RAD50: variants seen among roughly 807,000 people sequenced by gnomAD.
RAD50 encodes DNA repair protein RAD50.
Under a neutral mutation model 168.8 loss-of-function variants are expected in RAD50, and 132 were observed. The ratio of observed to expected loss-of-function variants is 0.78; its 90% CI spans 0.68 to 0.90. RAD50 has a LOEUF of 0.90. Among genes scored for constraint, RAD50 ranks in the 40% least tolerant of loss-of-function variants. The probability of loss-of-function intolerance (pLI) is 0.00; values close to 1 mark genes in which losing one functional copy is unlikely to be tolerated. For synonymous variants in RAD50, 525 were observed against 497.4 expected (o/e 1.06, Z -0.74); for missense variants, 1,347 against 1,534.4 (o/e 0.88, Z 2.04).
At chr5:132,620,154 A>C (rs578256941) in intron 21 of RAD50, among the ~76,000 whole-genome samples, 5 of 151,852 alleles carry the variant, frequency 3.3e-5, no homozygotes, top group Non-Finnish European at 4.4e-5. Flanking sequence ...ATCCACCTGT[A>C]TTGGCCTCCC....
At chr5:132,628,772 G>A (rs899847894) in intron 21 of RAD50, among the ~76,000 whole-genome samples, 1 of 152,012 alleles carries the variant, frequency 6.6e-6, no homozygotes, top group Non-Finnish European at 1.5e-5. Flanking sequence ...GCCTGAACCC[G>A]GGAGGCGGAG....
intron 12 of RAD50, 135 bp downstream of exon 12, chr5:132,595,179 A>G (rs1208455564): frequency 9.6e-6 from 9 of 941,070 alleles, no homozygotes; most frequent in African/African-American, 6.6e-5. Context: ...TGGCTCTACA[A>G]CTTACTCACT....
intron 21 of RAD50, among the ~76,000 whole-genome samples, chr5:132,630,129 A>C (rs1412910210): frequency 1.4e-5 from 2 of 145,098 alleles, no homozygotes; most frequent in East Asian, 2.0e-4. Context: ...TGCCATCTCC[A>C]CCTCCCGGGT....
chr5:132,645,659 T>G lies in RAD50; in HGVS notation c.*3295T>G, dbSNP rs1348852391. ...AAGAGAAAGCAGCCAATGAAAAGTT[T>G]ACTATTAAGCCAGCTACGGTAAGTG... On this transcript the variant is annotated 3_prime_UTR_variant, in exon 25 of 25. Transcript: ENST00000378823. 6.6e-6 allele frequency: 1 copy of G among 152,218 alleles called. No individual in the cohort carries two copies. The highest frequency in any genetic ancestry group is 2.4e-5 in the African/African-American group (1 of 41,442). 9.4% of individuals were successfully genotyped at this position (152,218 alleles called of 1,614,324 possible). A position where few individuals can be genotyped will look rare whatever the true frequency, so the allele number is the denominator to read the frequency against.
intron 2 of RAD50, among the ~76,000 whole-genome samples, chr5:132,559,638 A>G (rs992740425): frequency 1.3e-5 from 2 of 152,178 alleles, no homozygotes; most frequent in Admixed American, 1.3e-4. Context: ...TTAAAAAACT[A>G]TCATCTGGGT....
intron 11 of RAD50, 144 bp from the exon 12 acceptor site, chr5:132,594,725 C>T (rs1218446360): frequency 2.6e-6 from 2 of 767,422 alleles, no homozygotes; most frequent in Non-Finnish European, 4.2e-6. Context: ...TGGACTAGTC[C>T]CTCAACTTCT....
chr5:132,572,703 A>C (rs1750328107), intron 2 of RAD50, among the ~76,000 whole-genome samples: 1 of 152,150 alleles, frequency 6.6e-6, no homozygotes. Flanking sequence ...TTTAAACTTT[A>C]TTTTGTAGAT....
chr5:132,612,403 G>A (rs1054697052), intron 19 of RAD50, among the ~76,000 whole-genome samples: 2 of 152,174 alleles, frequency 1.3e-5, no homozygotes, highest in African/African-American at 4.8e-5. Flanking sequence ...ATGATCAAAT[G>A]CTCTGGAATT....
intron 4 of RAD50, 101 bp downstream of exon 4, chr5:132,579,603 G>C: frequency 7.9e-7 from 1 of 1,266,894 alleles, no homozygotes. Flanking sequence ...AAAGCAGAAA[G>C]GTCATCAGTT....
intron 2 of RAD50, among the ~76,000 whole-genome samples, chr5:132,560,470 T>A (rs2149831794): frequency 6.6e-6 from 1 of 152,348 alleles, no homozygotes; most frequent in East Asian, 1.9e-4. Flanking sequence ...AATGACTGTT[T>A]CCCACCTTCT....
chr5:132,629,920 A>C (rs1028551061), intron 21 of RAD50, among the ~76,000 whole-genome samples: 2 of 152,210 alleles, frequency 1.3e-5, no homozygotes, highest in East Asian at 3.8e-4. Context: ...ACCCCATACT[A>C]ATACAATATA....
At chr5:132,592,798 T>G (rs962387031) in intron 11 of RAD50, 10 of 470,740 alleles carry the variant, frequency 2.1e-5, no homozygotes, top group African/African-American at 2.0e-4. Flanking sequence ...CATCACCTCC[T>G]GTTACAATTC....
At chr5:132,619,903 G>A (rs28598572) in intron 21 of RAD50, among the ~76,000 whole-genome samples, 1 of 135,098 alleles carries the variant, frequency 7.4e-6, no homozygotes, top group Non-Finnish European at 1.5e-5. Flanking sequence ...GAGAGAGAGA[G>A]ATATATCTTT....
chr5:132,585,477 T>A (rs545610620), intron 5 of RAD50, among the ~76,000 whole-genome samples: 1 of 152,334 alleles, frequency 6.6e-6, no homozygotes, highest in African/African-American at 2.4e-5. Context: ...TTGAGCATCT[T>A]TTCATGTATT....
At position 132,637,095 on chromosome 5, in the gene RAD50, C is replaced by T. The variant is rs755149427; in HGVS notation, c.3390-20C>T. 1 of 1,593,698 alleles carries T rather than the reference C, an allele frequency of 6.3e-7. No individual in the cohort carries two copies. Among genetic ancestry groups the T allele is most frequent in the African/African-American group, 1.3e-5 (1 of 74,170 alleles). ...AATTATTTTTTATATATATGAAGTA[C>T]CAATGACTTCCTTTTCCAGAGCAAT... is the stretch of plus-strand genomic sequence containing the variant. On this transcript the variant is annotated intron_variant, in intron 21 of 24. Transcript: ENST00000378823.
chr5:132,637,522 T>TC (rs1191537651), intron 22 of RAD50, among the ~76,000 whole-genome samples: 1 of 138,742 alleles, frequency 7.2e-6, no homozygotes, highest in Non-Finnish European at 1.5e-5. Flanking sequence ...CTTTTTTTTT[T>TC]CTTTTTCTTT....
intron 11 of RAD50, among the ~76,000 whole-genome samples, chr5:132,593,844 G>A (rs532349625): frequency 2.0e-5 from 3 of 152,308 alleles, no homozygotes; most frequent in Admixed American, 1.3e-4. Context: ...TAAAATGTTA[G>A]CAGGCAAAGG....
At chr5:132,633,206 G>T (rs1185097034) in intron 21 of RAD50, among the ~76,000 whole-genome samples, 1 of 147,932 alleles carries the variant, frequency 6.8e-6, no homozygotes, top group African/African-American at 2.5e-5. Context: ...CCGGGTTGAA[G>T]CGATTCTCCT....
chr5:132,643,380 C>T lies in RAD50; in HGVS notation c.*1016C>T. 4.1e-6 allele frequency: 1 copy of T among 242,046 alleles called. No homozygotes were observed. Among genetic ancestry groups the T allele is most frequent in the South Asian group, 1.3e-4 (1 of 7,622 alleles). 15.0% of individuals were successfully genotyped at this position (242,046 alleles called of 1,614,324 possible). A position where few individuals can be genotyped will look rare whatever the true frequency, so the allele number is the denominator to read the frequency against. ...GAATCCTTCCATTCCACACAGAATG[C>T]AACCAAGTCACACGCTTTTGAATTA... On this transcript the variant is annotated 3_prime_UTR_variant, in exon 25 of 25. Coordinates refer to ENST00000378823, the MANE Select transcript of RAD50 (RefSeq NM_005732.4).
Sources: gnomAD v4.1 joint callset for allele counts (sites outside exome capture counted in the v4.1 genomes callset) on GRCh38, gnomAD v4.1.1 for gene constraint, MANE v1.5 for transcripts, NCBI Gene and HGNC (gene_info 2026-07-23, HGNC 2026-07-21) for gene names.